The following HMGCLL1 variants were observed in gnomAD, a reference collection of about 807,000 sequenced individuals.
The protein encoded by HMGCLL1 is 3-hydroxy-3-methylglutaryl-CoA lyase like 1, also known as 3-hydroxymethyl-3-methylglutaryl-CoA lyase, cytoplasmic.
HMGCLL1 carries 36 observed loss-of-function variants against 39.1 expected under a neutral mutation model. That is an observed-to-expected ratio of 0.92 (90% confidence interval 0.71 to 1.22). The LOEUF (loss-of-function observed/expected upper bound fraction) is 1.22, where lower values mean the gene tolerates loss of function less well. Among genes scored for constraint, HMGCLL1 ranks in the 50% most tolerant of loss-of-function variants. HMGCLL1 has a pLI of 0.00. For synonymous variants in HMGCLL1, 149 were observed against 144.0 expected (o/e 1.03, Z -0.25); for missense variants, 451 against 416.5 (o/e 1.08, Z -0.72).
At chr6:55,525,322 G>GAT (rs1404546998) in intron 3 of HMGCLL1, among the ~76,000 whole-genome samples, 1 of 151,932 alleles carries the variant, frequency 6.6e-6, no homozygotes, top group East Asian at 1.9e-4. Flanking sequence ...TGAAAAGGGG[G>GAT]ATTTTTAAAG....
chr6:55,455,905 T>A (rs1482125188), intron 7 of HMGCLL1, among the ~76,000 whole-genome samples: 3 of 152,216 alleles, frequency 2.0e-5, no homozygotes, highest in Non-Finnish European at 4.4e-5. Context: ...GTTGGTTTGC[T>A]CAATTTTATC....
intron 1 of HMGCLL1, among the ~76,000 whole-genome samples, chr6:55,548,689 G>C (rs62407364): frequency 0.075 from 11,414 of 151,512 alleles, 518 homozygotes; most frequent in East Asian, 0.19. Context: ...ATTAATTATT[G>C]TTTTAATATA....
At chr6:55,660,004 G>T in the HMGCLL1 span, among the ~76,000 whole-genome samples, 2 of 151,796 alleles carry the variant, frequency 1.3e-5, no homozygotes, top group African/African-American at 2.4e-5. Context: ...GAGGTGTCCA[G>T]TGGGATACTA....
intron 1 of HMGCLL1, among the ~76,000 whole-genome samples, chr6:55,563,118 CAT>C (rs1318707834): frequency 6.6e-6 from 1 of 151,938 alleles, no homozygotes; most frequent in Non-Finnish European, 1.5e-5. Context: ...TATATAAAAA[CAT>C]ATTTACAAGA....
chr6:55,606,482 C>T, the HMGCLL1 span, among the ~76,000 whole-genome samples: 2 of 152,094 alleles, frequency 1.3e-5, no homozygotes, highest in Non-Finnish European at 1.5e-5. Flanking sequence ...CAGTGTTCTG[C>T]CATTAGCCAA....
chr6:55,527,201 AC>A (rs1188558507), intron 3 of HMGCLL1, among the ~76,000 whole-genome samples: 1 of 152,076 alleles, frequency 6.6e-6, no homozygotes, highest in East Asian at 1.9e-4. Context: ...GAGAGAACTC[AC>A]CTTCAGGCTG....
the HMGCLL1 span, among the ~76,000 whole-genome samples, chr6:55,664,107 G>T: frequency 6.6e-6 from 1 of 151,742 alleles, no homozygotes; most frequent in Non-Finnish European, 1.5e-5. Flanking sequence ...ATACCGTTGG[G>T]TCTTGCGTTT....
chr6:55,489,239 C>T lies in HMGCLL1; in HGVS notation c.795+6180G>A, dbSNP rs150956206. On this transcript the variant is annotated intron_variant, in intron 7 of 8. Coordinates refer to ENST00000274901, the MANE Select transcript of HMGCLL1 (RefSeq NM_001042406.2). ...AATGTGTTTTATGCAAACACCATGG[C>T]GCAACAAGAAAATTTCCAAATTAAG... 4.9e-3 allele frequency among the ~76,000 whole-genome samples: 749 copies of T among 151,872 alleles called. 6 individuals carry two copies. The highest frequency in any genetic ancestry group is 0.017 in the African/African-American group (710 of 41,470).
chr6:55,621,922 T>G, the HMGCLL1 span, among the ~76,000 whole-genome samples: 2 of 152,086 alleles, frequency 1.3e-5, no homozygotes, highest in African/African-American at 4.8e-5. Flanking sequence ...GGTTTTATCA[T>G]GAAGTGTGTT....
intron 7 of HMGCLL1, among the ~76,000 whole-genome samples, chr6:55,486,407 C>T (rs183002422): frequency 5.3e-5 from 8 of 152,086 alleles, no homozygotes; most frequent in African/African-American, 1.9e-4. Context: ...GGCTGAGATA[C>T]ATCTAAAAAT....
At chr6:55,552,804 GT>G (rs1180179847) in intron 1 of HMGCLL1, among the ~76,000 whole-genome samples, 1 of 151,840 alleles carries the variant, frequency 6.6e-6, no homozygotes, top group East Asian at 1.9e-4. Flanking sequence ...TAGCAGCTGT[GT>G]TTCCAATAGC....
chr6:55,646,425 TC>T, the HMGCLL1 span, among the ~76,000 whole-genome samples: 1 of 151,828 alleles, frequency 6.6e-6, no homozygotes, highest in Non-Finnish European at 1.5e-5. Context: ...TCTTTTGTTC[TC>T]CTAATTTTGG....
the HMGCLL1 span, among the ~76,000 whole-genome samples, chr6:55,665,539 T>G: frequency 6.6e-6 from 1 of 151,720 alleles, no homozygotes; most frequent in Non-Finnish European, 1.5e-5. Context: ...ACTCCCTCTC[T>G]TGGTTGTTTC....
intron 3 of HMGCLL1, among the ~76,000 whole-genome samples, chr6:55,536,835 G>A (rs1769063087): frequency 6.6e-6 from 1 of 151,816 alleles, no homozygotes. Context: ...ACAGTAGGAG[G>A]GAAACTGTAA....
the HMGCLL1 span, among the ~76,000 whole-genome samples, chr6:55,649,436 G>A: frequency 2.0e-5 from 3 of 150,522 alleles, no homozygotes; most frequent in East Asian, 5.9e-4. Context: ...CGTCCTGTTA[G>A]AGTTCCCCTG....
intron 3 of HMGCLL1, among the ~76,000 whole-genome samples, chr6:55,529,481 A>C (rs867412023): frequency 6.0e-4 from 83 of 138,558 alleles, no homozygotes; most frequent in African/African-American, 2.0e-3. Context: ...GGAAATAAGT[A>C]ATAAGACACT....
chr6:55,523,232 TG>T (rs1269703393), intron 3 of HMGCLL1, among the ~76,000 whole-genome samples: 1 of 151,938 alleles, frequency 6.6e-6, no homozygotes, highest in Non-Finnish European at 1.5e-5. Flanking sequence ...TTTTATGCTT[TG>T]TAATAGTGTA....
intron 7 of HMGCLL1, among the ~76,000 whole-genome samples, chr6:55,494,105 C>T (rs1320032788): frequency 1.3e-5 from 2 of 152,122 alleles, no homozygotes; most frequent in Non-Finnish European, 2.9e-5. Flanking sequence ...ACCATTAAAA[C>T]CGCATTGGGG....
chr6:55,650,268 G>T, the HMGCLL1 span, among the ~76,000 whole-genome samples: 1 of 150,828 alleles, frequency 6.6e-6, no homozygotes, highest in Non-Finnish European at 1.5e-5. Context: ...GCATTGAAGG[G>T]TTAGGTACTT....
Sources: gnomAD v4.1 joint callset for allele counts (sites outside exome capture counted in the v4.1 genomes callset) on GRCh38, gnomAD v4.1.1 for gene constraint, MANE v1.5 for transcripts, NCBI Gene and HGNC (gene_info 2026-07-23, HGNC 2026-07-21) for gene names.